CR1L: variants seen among roughly 807,000 people sequenced by gnomAD.
CR1L encodes the protein complement C3b/C4b receptor 1 like.
A neutral mutation model predicts 62.3 loss-of-function variants in CR1L; 59 were observed. That is an observed-to-expected ratio of 0.95 (90% CI 0.77 to 1.18). The LOEUF is 1.18. Among genes scored for constraint, CR1L ranks in the 50% most tolerant of loss-of-function variants. CR1L has a pLI of 0.00. For synonymous variants in CR1L, 279 were observed against 248.7 expected (o/e 1.12, Z -1.15); for missense variants, 700 against 702.8 (o/e 1.00, Z 0.04).
At chr1:207,683,205 A>G (rs1285352422) in intron 3 of CR1L, among the ~76,000 whole-genome samples, 1 of 151,522 alleles carries the variant, frequency 6.6e-6, no homozygotes, top group African/African-American at 2.4e-5. Flanking sequence ...GGCATGATCA[A>G]CACTCACTGC....
chr1:207,652,001 C>T (rs187957611), intron 1 of CR1L, among the ~76,000 whole-genome samples: 1 of 152,306 alleles, frequency 6.6e-6, no homozygotes, highest in East Asian at 1.9e-4. Flanking sequence ...AAATCCACTA[C>T]ATTTACTTAA....
intron 4 of CR1L, among the ~76,000 whole-genome samples, chr1:207,688,289 A>G (rs1177139045): frequency 6.6e-6 from 1 of 152,098 alleles, no homozygotes; most frequent in African/African-American, 2.4e-5. Context: ...TGGATAGGCA[A>G]TTGATCTAAT....
At chr1:207,717,351 A>C in intron 10 of CR1L, 113 bp from the exon 11 acceptor site, 1 of 1,200,886 alleles carries the variant, frequency 8.3e-7, no homozygotes, top group Middle Eastern at 2.5e-4. Flanking sequence ...CCTTAGTTAT[A>C]GTCTTTCTAA....
At chr1:207,701,835 T>C (rs1558023028) in intron 9 of CR1L, 6 of 739,768 alleles carry the variant, frequency 8.1e-6, no homozygotes, top group East Asian at 2.8e-5. Context: ...ATAAAGAGTA[T>C]GCCGTTCACT....
At chr1:207,660,939 A>G (rs1663409834) in intron 1 of CR1L, among the ~76,000 whole-genome samples, 1 of 152,152 alleles carries the variant, frequency 6.6e-6, no homozygotes, top group African/African-American at 2.4e-5. Flanking sequence ...TTCAGTTTCC[A>G]TGTAGTTGAG....
At chr1:207,695,709 T>C (rs1664068022) in intron 5 of CR1L, among the ~76,000 whole-genome samples, 1 of 152,190 alleles carries the variant, frequency 6.6e-6, no homozygotes, top group Admixed American at 6.5e-5. Flanking sequence ...TTCTGCAGGC[T>C]ATACAGGAGG....
At chr1:207,675,549 G>C (rs1259663834) in intron 1 of CR1L, among the ~76,000 whole-genome samples, 1 of 152,220 alleles carries the variant, frequency 6.6e-6, no homozygotes, top group Non-Finnish European at 1.5e-5. Context: ...CCTTGGTGAG[G>C]GGACCCAGTG....
intron 5 of CR1L, among the ~76,000 whole-genome samples, 177 bp from the exon 6 acceptor site, chr1:207,697,326 G>C (rs780741843): frequency 3.9e-5 from 6 of 152,222 alleles, no homozygotes; most frequent in African/African-American, 1.2e-4. Context: ...AGTTCTATGA[G>C]TGATGGCAAG....
At chr1:207,718,697 A>G (rs1654064430) in intron 11 of CR1L, among the ~76,000 whole-genome samples, 1 of 152,204 alleles carries the variant, frequency 6.6e-6, no homozygotes, top group African/African-American at 2.4e-5. Flanking sequence ...GTGTGGGATT[A>G]CAGGCATGAG....
At position 207,689,530 on chromosome 1, in the gene CR1L, A is replaced by G. The variant is rs532071356; in HGVS notation, c.464-4823A>G. Among the ~76,000 whole-genome samples the G allele has an allele frequency of 6.6e-5, 10 of 152,146 alleles. No homozygotes were observed. The East Asian group carries it at 1.9e-3, about 29-fold the overall frequency. On this transcript the variant is annotated intron_variant, in intron 4 of 11. Transcript: ENST00000508064. ...AGTTTCATAATATTTTGTTTAGAAAATTTGCATTTATGTTCTCAAGAGATC... is the reference window on the plus strand; with the variant it reads ...AGTTTCATAATATTTTGTTTAGAAAGTTTGCATTTATGTTCTCAAGAGATC...
Position 207,663,880 on chromosome 1 carries a change from A to G in CR1L, c.98-13509A>G, listed in dbSNP as rs1663468273. ...GAGTGCAACCAGTTTGAGTCTTTTG[A>G]TGTAACACATTTAAACAGGGAAATT... On this transcript the variant is annotated intron_variant, in intron 1 of 11. Transcript: ENST00000508064. Among the ~76,000 whole-genome samples the G allele has an allele frequency of 2.6e-5, 4 of 152,120 alleles. No individual in the cohort carries two copies. In the South Asian group the frequency reaches 8.3e-4, roughly 32 times the overall value.
chr1:207,696,962 A>G (rs1323036141), intron 5 of CR1L, among the ~76,000 whole-genome samples: 1 of 152,212 alleles, frequency 6.6e-6, no homozygotes, highest in Non-Finnish European at 1.5e-5. Flanking sequence ...GAGGAGACCC[A>G]TAGTTCTTTA....
Position 207,697,627 on chromosome 1 carries a change from T to A in CR1L, c.987T>A (p.Tyr329Ter). ...GCTACGACCTCAGAGGATCTACGTA[T>A]TTGCACTGCACACCCCAGGGAGACT... ...EPGYDLRGST[Y>*]LHCTPQGDWS... The change falls in exon 6 of 12, where the codon TAT becomes TAA. Residue 329 changes from tyrosine (Y) to a stop codon, truncating the protein, a stop_gained. Coordinates refer to ENST00000508064, the MANE Select transcript of CR1L (RefSeq NM_175710.2). LOFTEE classifies it high-confidence loss of function. The A allele has an allele frequency of 6.2e-7, 1 of 1,613,970 alleles. No homozygotes were observed. The highest frequency in any genetic ancestry group is 8.5e-7 in the Non-Finnish European group (1 of 1,179,872).
intron 10 of CR1L, among the ~76,000 whole-genome samples, chr1:207,714,938 A>C (rs1167085968): frequency 5.9e-5 from 9 of 152,192 alleles, no homozygotes; most frequent in South Asian, 2.1e-4. Flanking sequence ...AATAAGTGGG[A>C]TGTCAGAGAG....
At chr1:207,677,650 A>T in intron 2 of CR1L, 82 bp downstream of exon 2, 1 of 1,483,766 alleles carries the variant, frequency 6.7e-7, no homozygotes, top group Non-Finnish European at 9.2e-7. Flanking sequence ...TTTGTAACTG[A>T]GTTGCATACA....
intron 1 of CR1L, chr1:207,669,676 A>C: frequency 1.5e-6 from 1 of 654,690 alleles, no homozygotes; most frequent in South Asian, 2.0e-5. Flanking sequence ...CCGGGTCCAA[A>C]GGCAGCGCGA....
chr1:207,721,666 C>A (rs1419579123), intron 11 of CR1L, among the ~76,000 whole-genome samples: 1 of 149,790 alleles, frequency 6.7e-6, no homozygotes, highest in Non-Finnish European at 1.5e-5. Context: ...GTGCATGTGT[C>A]TTTATAGCAG....
chr1:207,657,695 C>T (rs1558011104), intron 1 of CR1L, among the ~76,000 whole-genome samples: 1 of 152,100 alleles, frequency 6.6e-6, no homozygotes, highest in Non-Finnish European at 1.5e-5. Context: ...CTGTAACAGA[C>T]TAATGCTCTC....
At chr1:207,694,241 C>G (rs184122291) in intron 4 of CR1L, 112 bp from the exon 5 acceptor site, 2 of 1,317,556 alleles carry the variant, frequency 1.5e-6, no homozygotes, top group Admixed American at 4.5e-5. Flanking sequence ...AATGTACCTA[C>G]GTGTTAGCAA....
Sources: gnomAD v4.1 joint callset for allele counts (sites outside exome capture counted in the v4.1 genomes callset) on GRCh38, gnomAD v4.1.1 for gene constraint, MANE v1.5 for transcripts, NCBI Gene and HGNC (gene_info 2026-07-23, HGNC 2026-07-21) for gene names.